The following TMCO5A variants were observed in gnomAD, a reference collection of about 807,000 sequenced individuals.
The protein encoded by TMCO5A is transmembrane and coiled-coil domain-containing protein 5A.
In TMCO5A, 34 loss-of-function variants were observed where a neutral mutation model predicts 42.3. The ratio of observed to expected loss-of-function variants is 0.80; its 90% CI spans 0.61 to 1.07. TMCO5A has a LOEUF of 1.07. Among genes scored for constraint, TMCO5A ranks in the 50% least tolerant of loss-of-function variants. The pLI is 0.00. For synonymous variants in TMCO5A, 131 were observed against 115.6 expected, an observed-to-expected ratio of 1.13 and a Z score of -0.86; for missense variants, 357 against 327.9, an observed-to-expected ratio of 1.09 and a Z score of -0.69.
chr15:37,956,107 G>A (rs912027653), downstream of TMCO5A, among the ~76,000 whole-genome samples: 1 of 152,116 alleles, frequency 6.6e-6, no homozygotes, highest in African/African-American at 2.4e-5. Context: ...TGTGTAGAGG[G>A]AAATTTACAG....
the TMCO5A span, among the ~76,000 whole-genome samples, chr15:38,039,637 A>C: frequency 1.6e-4 from 25 of 152,334 alleles, no homozygotes; most frequent in African/African-American, 5.3e-4. Flanking sequence ...AACCAAGCAC[A>C]TACTTGAACT....
chr15:37,941,078 C>A, intron 6 of TMCO5A, 71 bp from the exon 7 acceptor site: 1 of 1,493,368 alleles, frequency 6.7e-7, no homozygotes, highest in Non-Finnish European at 9.3e-7. Context: ...GTGAGGCCAC[C>A]TTGGTGACAG....
At chr15:38,039,491 G>C in the TMCO5A span, among the ~76,000 whole-genome samples, 1 of 152,106 alleles carries the variant, frequency 6.6e-6, no homozygotes, top group Non-Finnish European at 1.5e-5. Context: ...TGATCTTTTA[G>C]TGACTCTTTT....
At chr15:38,029,851 CAGG>C in the TMCO5A span, among the ~76,000 whole-genome samples, 2 of 152,184 alleles carry the variant, frequency 1.3e-5, no homozygotes, top group Admixed American at 1.3e-4. Context: ...CACTTATAAA[CAGG>C]AGGCTTTCAT....
At chr15:37,969,274 T>A (rs1890629458), downstream of TMCO5A, among the ~76,000 whole-genome samples, 2 of 152,310 alleles carry the variant, frequency 1.3e-5, no homozygotes, top group South Asian at 4.1e-4. Context: ...TAGATGAATA[T>A]CTCAAATGGA....
chr15:37,953,065 G>A (rs990603398), downstream of TMCO5A, among the ~76,000 whole-genome samples: 1 of 152,170 alleles, frequency 6.6e-6, no homozygotes, highest in Non-Finnish European at 1.5e-5. Context: ...ATATCAGATG[G>A]ACTTCTAAAG....
At chr15:37,967,066 C>T (rs572029814) in exon 12 of TMCO5A, 28 of 173,406 alleles carry the variant, frequency 1.6e-4, no homozygotes, top group Non-Finnish European at 2.3e-4. Context: ...TAGATTAAGA[C>T]GGTGAAAGCT....
downstream of TMCO5A, among the ~76,000 whole-genome samples, chr15:37,971,777 C>T (rs1232770376): frequency 6.6e-6 from 1 of 152,202 alleles, no homozygotes; most frequent in Non-Finnish European, 1.5e-5. Context: ...TTTGCTAAAA[C>T]ATAACAAGAG....
the TMCO5A span, among the ~76,000 whole-genome samples, chr15:37,989,977 A>G: frequency 6.3e-4 from 96 of 152,226 alleles, no homozygotes; most frequent in African/African-American, 2.2e-3. Flanking sequence ...GAACATATTC[A>G]GACCACAGCA....
intron 7 of TMCO5A, 105 bp downstream of exon 7, chr15:37,941,310 C>G: frequency 8.4e-7 from 1 of 1,184,168 alleles, no homozygotes; most frequent in Admixed American, 2.0e-5. Flanking sequence ...GGTTCCAGAT[C>G]CAAGACCATG....
At chr15:37,965,847 G>C (rs980078772) in intron 11 of TMCO5A, among the ~76,000 whole-genome samples, 1 of 152,258 alleles carries the variant, frequency 6.6e-6, no homozygotes, top group South Asian at 2.1e-4. Context: ...ACAGTTTGGA[G>C]GTTCCTCAAA....
chr15:38,012,194 A>G, the TMCO5A span, among the ~76,000 whole-genome samples: 1 of 152,054 alleles, frequency 6.6e-6, no homozygotes, highest in Non-Finnish European at 1.5e-5. Context: ...ATTTCCTTGC[A>G]TTTGGCACAA....
At chr15:38,013,806 GT>G in the TMCO5A span, among the ~76,000 whole-genome samples, 3 of 152,088 alleles carry the variant, frequency 2.0e-5, no homozygotes, top group African/African-American at 7.2e-5. Context: ...CATAAATTTA[GT>G]GACTTAAAAC....
At chr15:37,953,423 C>T (rs1353800169), downstream of TMCO5A, among the ~76,000 whole-genome samples, 2 of 152,106 alleles carry the variant, frequency 1.3e-5, no homozygotes, top group Non-Finnish European at 2.9e-5. Context: ...CGAACCTTTG[C>T]CTGATAATCC....
chr15:37,996,582 A>AT, the TMCO5A span, among the ~76,000 whole-genome samples: 1 of 152,242 alleles, frequency 6.6e-6, no homozygotes, highest in Non-Finnish European at 1.5e-5. Context: ...CTTAGGTAAC[A>AT]TTAAGATGCC....
In TMCO5A at chr15:37,940,513, C is replaced by T. The variant is rs554134707; in HGVS notation, c.388-636C>T. Among the ~76,000 whole-genome samples the T allele has an allele frequency of 6.6e-5, 10 of 152,312 alleles. 1 individual carries two copies. The South Asian group carries it at 1.9e-3, about 28-fold the overall frequency. On this transcript the variant is annotated intron_variant, in intron 6 of 11. Transcript: ENST00000319669. ...CTTTGCCAACCACCTACCACCTCCT[C>T]TCACACCACCACTACCATCACTATC...
chr15:37,991,307 TAATG>T, the TMCO5A span, among the ~76,000 whole-genome samples: 1 of 152,106 alleles, frequency 6.6e-6, no homozygotes, highest in East Asian at 1.9e-4. Context: ...TGTCTAGTGG[TAATG>T]AATTATCTCA....
chr15:37,986,380 G>GGTGTGTGTGTGTGTGTGT, the TMCO5A span, among the ~76,000 whole-genome samples: 2 of 139,290 alleles, frequency 1.4e-5, no homozygotes, highest in African/African-American at 5.3e-5. Flanking sequence ...GGTAAGGGAT[G>GGTGTGTGTGTGTGTGTGT]GTGTGTGTGT....
chr15:37,937,454 G>C (rs2140256829), intron 5 of TMCO5A, 58 bp downstream of exon 5: 2 of 1,584,736 alleles, frequency 1.3e-6, no homozygotes, highest in Non-Finnish European at 1.7e-6. Context: ...TCATCAAAGG[G>C]GCAAGGTTTG....
Sources: allele counts gnomAD v4.1 joint callset (sites outside exome capture counted in the v4.1 genomes callset), GRCh38; gene constraint gnomAD v4.1.1; transcripts MANE v1.5; gene names NCBI Gene and HGNC (gene_info 2026-07-23, HGNC 2026-07-21).